PKNOX2: variants seen among roughly 807,000 people sequenced by gnomAD.
PKNOX2 encodes PBX/knotted 1 homeobox 2.
In PKNOX2, 14 loss-of-function variants were observed where a neutral mutation model predicts 53.1. The observed-to-expected ratio is 0.26, with a 90% confidence interval of 0.17 to 0.41. The LOEUF (loss-of-function observed/expected upper bound fraction) is 0.41, where lower values mean the gene tolerates loss of function less well. Among genes scored for constraint, PKNOX2 ranks in the 10% least tolerant of loss-of-function variants. PKNOX2 has a pLI of 1.00. For synonymous variants in PKNOX2, 257 were observed against 242.8 expected, an observed-to-expected ratio of 1.06 and a Z score of -0.54; for missense variants, 496 against 602.8, an observed-to-expected ratio of 0.82 and a Z score of 1.85.
At chr11:125,313,032 C>CT (rs1339759516) in intron 2 of PKNOX2, among the ~76,000 whole-genome samples, 1 of 152,154 alleles carries the variant, frequency 6.6e-6, no homozygotes, top group East Asian at 1.9e-4. Context: ...CCGTGTCATG[C>CT]TATCGCCTTC....
At chr11:125,182,332 C>T (rs1232146045) in intron 1 of PKNOX2, among the ~76,000 whole-genome samples, 5 of 152,196 alleles carry the variant, frequency 3.3e-5, no homozygotes, top group Non-Finnish European at 7.3e-5. Flanking sequence ...TGTCCCATTG[C>T]TCCTTCTACG....
At chr11:125,376,184 C>T (rs1483422829) in intron 5 of PKNOX2, among the ~76,000 whole-genome samples, 2 of 152,208 alleles carry the variant, frequency 1.3e-5, no homozygotes, top group Non-Finnish European at 2.9e-5. Context: ...ACCTGTCCAC[C>T]CACCTGGGGG....
intron 6 of PKNOX2, among the ~76,000 whole-genome samples, chr11:125,388,120 G>T (rs780093330): frequency 2.0e-5 from 3 of 152,000 alleles, no homozygotes; most frequent in Non-Finnish European, 4.4e-5. Flanking sequence ...CATGAAACTT[G>T]ATGTGGGGAG....
At chr11:125,426,017 A>G (rs1237718210) in intron 10 of PKNOX2, among the ~76,000 whole-genome samples, 1 of 152,184 alleles carries the variant, frequency 6.6e-6, no homozygotes, top group Admixed American at 6.5e-5. Context: ...TTTGGGTGGC[A>G]TTGCTTCTCA....
Position 125,430,152 on chromosome 11 carries a change from G to A in PKNOX2, c.1192+11G>A. On this transcript the variant is annotated intron_variant, in intron 12 of 12. Coordinates refer to ENST00000298282, the MANE Select transcript of PKNOX2 (RefSeq NM_001382323.2). ...GGACAAACCCCGATGGTAAGAACTG[G>A]GGCTGAGTGCACCCTAGACAAGGGC... 1 of 1,613,070 alleles carries A rather than the reference G, an allele frequency of 6.2e-7. No individual in the cohort carries two copies. The highest frequency in any genetic ancestry group is 1.1e-5 in the South Asian group (1 of 90,940).
chr11:125,215,293 G>A lies in PKNOX2; in HGVS notation c.-200-19752G>A, dbSNP rs180882526. Among the ~76,000 whole-genome samples the A allele has an allele frequency of 8.9e-4, 135 of 152,192 alleles. 2 individuals carry two copies. Among genetic ancestry groups the A allele is most frequent in the African/African-American group, 3.2e-3 (132 of 41,538 alleles). Reference sequence around the variant, plus strand: ...AAAGAAAGGCTGGGGGCCATGGAGAGGGCTCAGGACTGTGAGTTAGGAGAA... The same window carrying A: ...AAAGAAAGGCTGGGGGCCATGGAGAAGGCTCAGGACTGTGAGTTAGGAGAA... On this transcript the variant is annotated intron_variant, in intron 1 of 12. Coordinates refer to ENST00000298282, the MANE Select transcript of PKNOX2 (RefSeq NM_001382323.2).
At chr11:125,247,209 T>C (rs750999751) in intron 2 of PKNOX2, among the ~76,000 whole-genome samples, 5 of 152,190 alleles carry the variant, frequency 3.3e-5, no homozygotes, top group Non-Finnish European at 7.4e-5. Flanking sequence ...CCTTTGTTCC[T>C]CTGTGCTTAT....
rs1176419116 is a variant in PKNOX2 at position 125,285,821 on chromosome 11, AG to A, written c.-129-45997del. Among the ~76,000 whole-genome samples, 3 of 152,256 alleles carry A rather than the reference AG, an allele frequency of 2.0e-5. No individual in the cohort carries two copies. The East Asian group carries it at 5.8e-4, about 29-fold the overall frequency. ...AAAAACACAGGTAATAAATACTCCA[AG>A]CTCACGGCTTCCTAAGCACTTCACT... On this transcript the variant is annotated intron_variant, in intron 2 of 12. Transcript: ENST00000298282.
chr11:125,339,166 G>A (rs545427552), intron 3 of PKNOX2, among the ~76,000 whole-genome samples: 2 of 152,308 alleles, frequency 1.3e-5, no homozygotes, highest in South Asian at 4.1e-4. Flanking sequence ...CCGAGCCAGT[G>A]GGAGGTAGAA....
At chr11:125,420,293 C>T (rs960843721) in intron 10 of PKNOX2, among the ~76,000 whole-genome samples, 4 of 151,108 alleles carry the variant, frequency 2.6e-5, no homozygotes, top group Non-Finnish European at 2.9e-5. Flanking sequence ...TTTGGGAGGC[C>T]GAGGTGGGCA....
At chr11:125,316,331 C>T (rs1949191846) in intron 2 of PKNOX2, among the ~76,000 whole-genome samples, 1 of 152,186 alleles carries the variant, frequency 6.6e-6, no homozygotes, top group South Asian at 2.1e-4. Flanking sequence ...CACTGGGCCC[C>T]TAAAGACAGC....
intron 2 of PKNOX2, among the ~76,000 whole-genome samples, chr11:125,292,473 T>A (rs1270864568): frequency 6.6e-6 from 1 of 152,126 alleles, no homozygotes; most frequent in African/African-American, 2.4e-5. Flanking sequence ...GGGCTGACCC[T>A]ATCTGGTCCA....
chr11:125,278,047 T>C (rs1946297640), intron 2 of PKNOX2, among the ~76,000 whole-genome samples: 1 of 151,874 alleles, frequency 6.6e-6, no homozygotes, highest in Admixed American at 6.6e-5. Context: ...CAAAACCCCA[T>C]TTCTACAAAA....
chr11:125,292,507 T>C (rs1947367322), intron 2 of PKNOX2, among the ~76,000 whole-genome samples: 1 of 152,194 alleles, frequency 6.6e-6, no homozygotes. Flanking sequence ...CTTTCTGGAA[T>C]TAATGTTGAT....
Position 125,410,840 on chromosome 11 carries a change from A to C in PKNOX2, c.780A>C (p.Ala260=), listed in dbSNP as rs774325616. The change falls in exon 9 of 13, where the codon GCA becomes GCC. Residue 260 remains alanine (A), a synonymous_variant. Coordinates refer to ENST00000298282, the MANE Select transcript of PKNOX2 (RefSeq NM_001382323.2). Reference sequence around the variant, plus strand: ...CCCAGGGTCAGGTGGTCACCCAAGCAATCCCCCAGGGAGCCATCCAGATCC... The same window carrying C: ...CCCAGGGTCAGGTGGTCACCCAAGCCATCCCCCAGGGAGCCATCCAGATCC... ...VTSQGQVVTQ[A]IPQGAIQIQN... is the part of the protein sequence containing the mutation. The C allele has an allele frequency of 1.9e-6, 3 of 1,614,084 alleles. No individual in the cohort carries two copies. Among genetic ancestry groups the C allele is most frequent in the Non-Finnish European group, 2.5e-6 (3 of 1,179,996 alleles).
At chr11:125,248,928 A>G (rs1324950691) in intron 2 of PKNOX2, among the ~76,000 whole-genome samples, 2 of 125,246 alleles carry the variant, frequency 1.6e-5, no homozygotes, top group African/African-American at 6.0e-5. Context: ...CATATATAAT[A>G]TACATTATAT....
chr11:125,385,518 G>A, intron 5 of PKNOX2, 33 bp from the exon 6 acceptor site: 3 of 1,578,840 alleles, frequency 1.9e-6, no homozygotes, highest in Non-Finnish European at 2.6e-6. Flanking sequence ...GTCTCTGTGT[G>A]TGCGCATGTG....
intron 1 of PKNOX2, among the ~76,000 whole-genome samples, chr11:125,203,335 C>G (rs184625997): frequency 6.6e-6 from 1 of 152,146 alleles, no homozygotes; most frequent in Non-Finnish European, 1.5e-5. Flanking sequence ...CTTGAACTCC[C>G]GGGCTCAAGC....
chr11:125,174,407 T>G (rs1444356862), intron 1 of PKNOX2, among the ~76,000 whole-genome samples: 1 of 152,232 alleles, frequency 6.6e-6, no homozygotes, highest in African/African-American at 2.4e-5. Flanking sequence ...ACAAGCTATA[T>G]GACCTTGACT....
Sources: gnomAD v4.1 joint callset for allele counts (sites outside exome capture counted in the v4.1 genomes callset) on GRCh38, gnomAD v4.1.1 for gene constraint, MANE v1.5 for transcripts, NCBI Gene and HGNC (gene_info 2026-07-23, HGNC 2026-07-21) for gene names.